Variants in DLG2 observed in about 807,000 individuals in gnomAD.
DLG2 encodes discs large MAGUK scaffold protein 2.
DLG2 carries 45 observed loss-of-function variants against 132.5 expected under a neutral mutation model. The ratio of observed to expected loss-of-function variants is 0.34; its 90% CI spans 0.27 to 0.44. The LOEUF is 0.44. Among genes scored for constraint, DLG2 ranks in the 20% least tolerant of loss-of-function variants. The pLI, the probability that DLG2 is intolerant of heterozygous loss-of-function variation, is 1.00. For missense variants in DLG2, 1,045 were observed against 1,196.9 expected (o/e 0.87, Z 1.87); for synonymous variants, 424 against 419.6 (o/e 1.01, Z -0.13).
chr11:84,995,644 T>C (rs1026881426), intron 6 of DLG2, among the ~76,000 whole-genome samples: 2 of 152,222 alleles, frequency 1.3e-5, no homozygotes, highest in African/African-American at 4.8e-5. Flanking sequence ...TTTTTAATTC[T>C]TGGAACATTT....
At chr11:84,737,292 G>A (rs1283201250) in intron 6 of DLG2, among the ~76,000 whole-genome samples, 3 of 151,822 alleles carry the variant, frequency 2.0e-5, no homozygotes, top group Admixed American at 6.6e-5. Context: ...TTCATGAGGG[G>A]TATTAGTCTG....
At chr11:84,663,439 T>C (rs558622015) in intron 6 of DLG2, among the ~76,000 whole-genome samples, 211 of 152,154 alleles carry the variant, frequency 1.4e-3, no homozygotes, top group African/African-American at 4.9e-3. Context: ...TAACAGTCTA[T>C]TGACAGGATA....
chr11:83,846,725 G>T (rs116262066), intron 16 of DLG2, among the ~76,000 whole-genome samples: 1 of 151,844 alleles, frequency 6.6e-6, no homozygotes, highest in African/African-American at 2.4e-5. Context: ...TTTTCTTCTC[G>T]CAACATAAAT....
chr11:84,140,697 T>C (rs963564383), intron 9 of DLG2, among the ~76,000 whole-genome samples: 1 of 152,174 alleles, frequency 6.6e-6, no homozygotes, highest in Non-Finnish European at 1.5e-5. Flanking sequence ...AAAATAAATG[T>C]ATCTCTATCT....
intron 7 of DLG2, among the ~76,000 whole-genome samples, chr11:84,263,330 C>A (rs182753857): frequency 6.6e-6 from 1 of 152,102 alleles, no homozygotes; most frequent in East Asian, 1.9e-4. Context: ...GAAAAGCATG[C>A]AGAAATAAAA....
chr11:85,286,947 A>G (rs1472680520), intron 3 of DLG2, among the ~76,000 whole-genome samples: 1 of 152,080 alleles, frequency 6.6e-6, no homozygotes, highest in Non-Finnish European at 1.5e-5. Flanking sequence ...AAACACAAGA[A>G]CCACATGAAA....
chr11:84,875,213 G>T (rs1327947459), intron 6 of DLG2, among the ~76,000 whole-genome samples: 1 of 151,984 alleles, frequency 6.6e-6, no homozygotes, highest in Non-Finnish European at 1.5e-5. Flanking sequence ...TGGATACATT[G>T]GTTTAATACT....
chr11:85,486,519 G>A (rs2093433003), intron 3 of DLG2, among the ~76,000 whole-genome samples: 1 of 152,122 alleles, frequency 6.6e-6, no homozygotes, highest in Non-Finnish European at 1.5e-5. Context: ...CCAGAAGCCT[G>A]GAAATTTTTT....
chr11:84,955,970 A>G (rs911771801), intron 6 of DLG2, among the ~76,000 whole-genome samples: 3 of 152,174 alleles, frequency 2.0e-5, no homozygotes, highest in Non-Finnish European at 4.4e-5. Flanking sequence ...AAACAGCACA[A>G]TATTAGAAGG....
intron 6 of DLG2, among the ~76,000 whole-genome samples, chr11:84,893,439 G>A (rs2089729749): frequency 6.6e-6 from 1 of 152,172 alleles, no homozygotes; most frequent in Admixed American, 6.5e-5. Flanking sequence ...AGCTCTAAAT[G>A]TGAGTCATGA....
intron 15 of DLG2, among the ~76,000 whole-genome samples, chr11:83,884,758 G>A (rs1222945730): frequency 1.3e-5 from 2 of 152,168 alleles, no homozygotes; most frequent in African/African-American, 2.4e-5. Flanking sequence ...ACTTCCAGAG[G>A]AACGATCAGA....
chr11:84,649,664 G>A (rs1291144284), intron 6 of DLG2, among the ~76,000 whole-genome samples: 1 of 152,190 alleles, frequency 6.6e-6, no homozygotes, highest in East Asian at 1.9e-4. Context: ...CTCTTTATTT[G>A]ATAGGTTTGC....
chr11:84,102,305 G>GT (rs1483060052), intron 9 of DLG2, among the ~76,000 whole-genome samples: 2 of 151,994 alleles, frequency 1.3e-5, no homozygotes, highest in African/African-American at 4.8e-5. Context: ...ATTCATCTTT[G>GT]TTTTTTTGGA....
At chr11:85,584,103 T>G (rs2078804499) in intron 3 of DLG2, among the ~76,000 whole-genome samples, 1 of 152,154 alleles carries the variant, frequency 6.6e-6, no homozygotes, top group South Asian at 2.1e-4. Flanking sequence ...GGTGTACCCA[T>G]TACCTAAGCA....
In DLG2 at chr11:83,790,754, A is replaced by G. The variant is rs2041316543; in HGVS notation, c.1723-3962T>C. ...ACTGATCCACAAAGATCTCTGGGGC[A>G]ACAACTAGGTTCTGGTCTGCCTGAC... is the stretch of plus-strand genomic sequence containing the variant. On this transcript the variant is annotated intron_variant, in intron 17 of 27. Transcript: ENST00000376104. The G allele has an allele frequency of 3.9e-6, 3 of 763,220 alleles. No homozygotes were observed. The Admixed American group carries it at 5.3e-5, about 13-fold the overall frequency. The allele number at this position is 763,220 out of a possible 1,614,324, so 47.3% of individuals were successfully genotyped here.
At chr11:84,208,227 T>C (rs1227839768) in intron 8 of DLG2, among the ~76,000 whole-genome samples, 1 of 152,102 alleles carries the variant, frequency 6.6e-6, no homozygotes, top group East Asian at 1.9e-4. Context: ...AACTCCTGTC[T>C]CCCTGAAATG....
At chr11:85,129,525 T>C (rs537176673) in intron 5 of DLG2, among the ~76,000 whole-genome samples, 1 of 152,292 alleles carries the variant, frequency 6.6e-6, no homozygotes, top group Non-Finnish European at 1.5e-5. Context: ...GTGGTTTTGA[T>C]TTGCATTTCT....
intron 17 of DLG2, among the ~76,000 whole-genome samples, chr11:83,800,680 C>A (rs1365149640): frequency 3.3e-5 from 5 of 152,012 alleles, no homozygotes; most frequent in Admixed American, 1.3e-4. Context: ...AAAAATTAGA[C>A]CTTTAAAAAT....
intron 6 of DLG2, among the ~76,000 whole-genome samples, chr11:84,764,335 C>A (rs1386800911): frequency 6.6e-6 from 1 of 152,108 alleles, no homozygotes; most frequent in Non-Finnish European, 1.5e-5. Context: ...AGTACTTATT[C>A]TTCCATTTCA....
Sources: gnomAD v4.1 joint callset for allele counts (sites outside exome capture counted in the v4.1 genomes callset) on GRCh38, gnomAD v4.1.1 for gene constraint, MANE v1.5 for transcripts, NCBI Gene and HGNC (gene_info 2026-07-23, HGNC 2026-07-21) for gene names.